The following ROBO1 variants were observed in gnomAD, a reference collection of about 807,000 sequenced individuals.
The protein encoded by ROBO1 is roundabout homolog 1.
A neutral mutation model predicts 195.9 loss-of-function variants in ROBO1; 149 were observed. That is an observed-to-expected ratio of 0.76 (90% CI 0.67 to 0.87). ROBO1 has a LOEUF of 0.87. Ranked by LOEUF, ROBO1 falls within the 40% of genes least tolerant of loss-of-function variation. The pLI, the probability that ROBO1 is intolerant of heterozygous loss-of-function variation, is 0.00. For synonymous variants in ROBO1, 816 were observed against 733.2 expected (o/e 1.11, Z -1.82); for missense variants, 1,933 against 2,068.3 (o/e 0.93, Z 1.27).
intron 1 of ROBO1, among the ~76,000 whole-genome samples, chr3:79,657,153 C>A (rs2106795576): frequency 6.6e-6 from 1 of 152,114 alleles, no homozygotes; most frequent in East Asian, 1.9e-4. Flanking sequence ...ACCTTATAAA[C>A]ACATAGGAGT....
rs546216931 is a variant in ROBO1 at position 78,937,045 on chromosome 3, T to C, written c.499+1556A>G. Reference sequence around the variant, plus strand: ...TTCAAAGAAATATTTTAAAAATGAATAGCTAGTTTTAACACAGTTTAAAAT... The same window carrying C: ...TTCAAAGAAATATTTTAAAAATGAACAGCTAGTTTTAACACAGTTTAAAAT... On this transcript the variant is annotated intron_variant, in intron 4 of 30. Coordinates refer to ENST00000464233, the MANE Select transcript of ROBO1 (RefSeq NM_002941.4). 2.0e-4 allele frequency among the ~76,000 whole-genome samples: 31 copies of C among 152,218 alleles called. No individual in the cohort carries two copies. The South Asian group carries it at 2.5e-3, about 12-fold the overall frequency.
chr3:79,655,450 T>C lies in ROBO1; in HGVS notation c.-50-65489A>G, dbSNP rs377098005. Among the ~76,000 whole-genome samples, 3 of 152,074 alleles carry C rather than the reference T, an allele frequency of 2.0e-5. No homozygotes were observed. In the South Asian group the frequency reaches 6.2e-4, roughly 31 times the overall value. The stretch of plus-strand genomic sequence containing the variant: ...TTGCAAAGCATTTACTACTCTTGTG[T>C]GGAAAATCAGTAAAGATTTTAGCCT... On this transcript the variant is annotated intron_variant, in intron 1 of 30. Coordinates refer to ENST00000464233, the MANE Select transcript of ROBO1 (RefSeq NM_002941.4).
intron 2 of ROBO1, among the ~76,000 whole-genome samples, chr3:79,236,743 C>CA (rs2108867007): frequency 6.6e-6 from 1 of 152,068 alleles, no homozygotes; most frequent in African/African-American, 2.4e-5. Context: ...TTTTTAGTAA[C>CA]AAAAATAATT....
At chr3:79,065,542 C>T (rs2078990085) in intron 3 of ROBO1, among the ~76,000 whole-genome samples, 1 of 151,702 alleles carries the variant, frequency 6.6e-6, no homozygotes, top group Admixed American at 6.6e-5. Flanking sequence ...CTTAACATGC[C>T]AGATAAAAAG....
chr3:79,362,005 G>C (rs752554590), intron 2 of ROBO1, among the ~76,000 whole-genome samples: 1 of 152,050 alleles, frequency 6.6e-6, no homozygotes, highest in African/African-American at 2.4e-5. Context: ...CCTGATAAAA[G>C]TTCAGTAGAG....
At chr3:79,134,782 G>A (rs1356681286) in intron 2 of ROBO1, among the ~76,000 whole-genome samples, 10 of 84,482 alleles carry the variant, frequency 1.2e-4, no homozygotes, top group South Asian at 5.4e-4. Flanking sequence ...GTAAACTATC[G>A]CAAGAACAAA....
chr3:79,701,813 G>A (rs1333146194), intron 1 of ROBO1, among the ~76,000 whole-genome samples: 1 of 144,254 alleles, frequency 6.9e-6, no homozygotes, highest in East Asian at 1.9e-4. Context: ...AATTATTTTT[G>A]TATTGATTAT....
rs148460249 is a variant in ROBO1 at position 79,509,767 on chromosome 3, C to A, written c.88+80057G>T. On this transcript the variant is annotated intron_variant, in intron 2 of 30. Transcript: ENST00000464233. Reference sequence around the variant, plus strand: ...GTCAGACTCTTCCTTAATCTTAACCCCCCTCCATGAAACATATGAATGTGA... The same window carrying A: ...GTCAGACTCTTCCTTAATCTTAACCACCCTCCATGAAACATATGAATGTGA... Among the ~76,000 whole-genome samples, 683 of 152,048 alleles carry A rather than the reference C, an allele frequency of 4.5e-3. 5 individuals carry two copies. The highest frequency in any genetic ancestry group is 0.016 in the African/African-American group (643 of 41,462).
At chr3:78,687,794 G>A (rs1026763862) in intron 9 of ROBO1, among the ~76,000 whole-genome samples, 10 of 151,812 alleles carry the variant, frequency 6.6e-5, no homozygotes, top group Admixed American at 5.9e-4. Context: ...CCCACTAATT[G>A]TTTATTTTTA....
At chr3:79,746,870 C>A (rs971608345) in intron 1 of ROBO1, among the ~76,000 whole-genome samples, 1 of 152,030 alleles carries the variant, frequency 6.6e-6, no homozygotes, top group Non-Finnish European at 1.5e-5. Context: ...TATAAAGAAT[C>A]ATGGATTAAA....
chr3:79,437,900 A>AT (rs2038937971), intron 2 of ROBO1, among the ~76,000 whole-genome samples: 1 of 151,956 alleles, frequency 6.6e-6, no homozygotes, highest in African/African-American at 2.4e-5. Context: ...TTACACTTCA[A>AT]TAAAAAAAAA....
At chr3:79,718,718 G>T (rs1401163203) in intron 1 of ROBO1, among the ~76,000 whole-genome samples, 2 of 151,844 alleles carry the variant, frequency 1.3e-5, no homozygotes, top group East Asian at 1.9e-4. Context: ...TGTTAAAAAA[G>T]GTTAGAAGTA....
chr3:79,056,808 A>T (rs935074512), intron 3 of ROBO1, among the ~76,000 whole-genome samples: 7 of 152,042 alleles, frequency 4.6e-5, no homozygotes, highest in Non-Finnish European at 1.0e-4. Context: ...TACTGGGATA[A>T]TAGTTCAACA....
chr3:79,596,964 GA>G (rs1323164718), intron 1 of ROBO1, among the ~76,000 whole-genome samples: 10 of 151,768 alleles, frequency 6.6e-5, no homozygotes, highest in Non-Finnish European at 1.0e-4. Flanking sequence ...AATTGGTGGA[GA>G]AAAAAATAGA....
At chr3:79,322,075 A>G (rs1002754822) in intron 2 of ROBO1, among the ~76,000 whole-genome samples, 2 of 152,190 alleles carry the variant, frequency 1.3e-5, no homozygotes. Flanking sequence ...CCAATGGTTT[A>G]GATAATTTGC....
intron 2 of ROBO1, among the ~76,000 whole-genome samples, chr3:79,217,065 A>T (rs1486179495): frequency 6.6e-6 from 1 of 152,112 alleles, no homozygotes; most frequent in African/African-American, 2.4e-5. Context: ...CAATCTTTTC[A>T]TTCTCTTCAT....
At chr3:79,129,014 G>C (rs951680317) in intron 2 of ROBO1, among the ~76,000 whole-genome samples, 2 of 151,994 alleles carry the variant, frequency 1.3e-5, no homozygotes, top group East Asian at 1.9e-4. Context: ...CCAAGGCTTC[G>C]ATTATTTTTC....
intron 4 of ROBO1, among the ~76,000 whole-genome samples, chr3:78,843,056 G>T (rs1167028179): frequency 1.3e-5 from 2 of 152,050 alleles, no homozygotes; most frequent in African/African-American, 4.8e-5. Flanking sequence ...ACTGATATCA[G>T]AATGTATAAC....
intron 2 of ROBO1, among the ~76,000 whole-genome samples, chr3:79,327,414 T>C (rs1367047571): frequency 6.6e-6 from 1 of 152,080 alleles, no homozygotes; most frequent in African/African-American, 2.4e-5. Context: ...CAAGAAAATA[T>C]ATCAAGCCTT....
Sources: gnomAD v4.1 joint callset for allele counts (sites outside exome capture counted in the v4.1 genomes callset) on GRCh38, gnomAD v4.1.1 for gene constraint, MANE v1.5 for transcripts, NCBI Gene and HGNC (gene_info 2026-07-23, HGNC 2026-07-21) for gene names.